The following IDE variants were observed in gnomAD, a reference collection of about 807,000 sequenced individuals.
The protein encoded by IDE is insulin degrading enzyme.
IDE carries 58 observed loss-of-function variants against 133.2 expected under a neutral mutation model. The observed-to-expected ratio is 0.44, with a 90% CI of 0.35 to 0.54. The LOEUF (loss-of-function observed/expected upper bound fraction) is 0.54, where lower values mean the gene tolerates loss of function less well. Among genes scored for constraint, IDE ranks in the 20% least tolerant of loss-of-function variants. The probability of loss-of-function intolerance (pLI) is 0.00; values close to 1 mark genes in which losing one functional copy is unlikely to be tolerated. For missense variants in IDE, 981 were observed against 1,234.0 expected, an observed-to-expected ratio of 0.79 and a Z score of 3.07; for synonymous variants, 396 against 421.3, an observed-to-expected ratio of 0.94 and a Z score of 0.73.
Position 92,549,457 on chromosome 10 carries a change from C to CTCAA in IDE, c.99-11911_99-11908dup, listed in dbSNP as rs371643247. On this transcript the variant is annotated intron_variant, in intron 1 of 24. Coordinates refer to ENST00000265986, the MANE Select transcript of IDE (RefSeq NM_004969.4). ...CTCCCATCTATGTATCTACATATCT[C>CTCAA]TCAATCAATCAATCAATCAATCAAC... Among the ~76,000 whole-genome samples the CTCAA allele has an allele frequency of 2.6e-3, 402 of 152,094 alleles. 1 individual carries two copies. The highest frequency in any genetic ancestry group is 8.7e-3 in the African/African-American group (362 of 41,506).
intron 1 of IDE, among the ~76,000 whole-genome samples, chr10:92,538,148 A>G (rs1310294261): frequency 6.6e-6 from 1 of 152,176 alleles, no homozygotes; most frequent in African/African-American, 2.4e-5. Flanking sequence ...TGCTAGGATT[A>G]CAAGTGTGAG....
At chr10:92,498,793 C>T (rs1056602594) in intron 11 of IDE, among the ~76,000 whole-genome samples, 2 of 151,746 alleles carry the variant, frequency 1.3e-5, no homozygotes, top group Non-Finnish European at 2.9e-5. Flanking sequence ...GGCATGGTGG[C>T]GGGTGCATGT....
At chr10:92,572,935 G>A (rs186067920) in intron 1 of IDE, 1 of 984,830 alleles carries the variant, frequency 1.0e-6, no homozygotes, top group Non-Finnish European at 1.2e-6. Context: ...CTCAATTCCC[G>A]TGGCATCCCA....
intron 1 of IDE, among the ~76,000 whole-genome samples, chr10:92,553,124 T>A (rs923312479): frequency 1.3e-5 from 2 of 151,554 alleles, no homozygotes; most frequent in Non-Finnish European, 2.9e-5. Flanking sequence ...TATAAATAAA[T>A]AAGAAAAAGA....
chr10:92,547,094 T>C (rs947373129), intron 1 of IDE, among the ~76,000 whole-genome samples: 7 of 152,166 alleles, frequency 4.6e-5, no homozygotes, highest in African/African-American at 1.4e-4. Context: ...TCTTCTTCTT[T>C]TTTGTAAGAT....
chr10:92,498,469 A>G (rs918423022), intron 11 of IDE, among the ~76,000 whole-genome samples: 3 of 152,134 alleles, frequency 2.0e-5, no homozygotes, highest in Non-Finnish European at 4.4e-5. Context: ...CTAAAAAAAA[A>G]TACAGGCCGG....
intron 11 of IDE, among the ~76,000 whole-genome samples, chr10:92,496,261 C>T (rs887940253): frequency 6.6e-6 from 1 of 152,128 alleles, no homozygotes; most frequent in Non-Finnish European, 1.5e-5. Flanking sequence ...GAGTTCTTAC[C>T]AGGTCAAATT....
chr10:92,538,959 C>T (rs570145019), intron 1 of IDE, among the ~76,000 whole-genome samples: 23 of 152,186 alleles, frequency 1.5e-4, no homozygotes, highest in African/African-American at 5.5e-4. Context: ...AGACTGACAG[C>T]TAGATTTAAA....
chr10:92,545,779 A>G (rs1364515136), intron 1 of IDE, among the ~76,000 whole-genome samples: 1 of 152,212 alleles, frequency 6.6e-6, no homozygotes, highest in African/African-American at 2.4e-5. Flanking sequence ...CAGAATGGCT[A>G]AAAAGAAAAA....
chr10:92,515,153 TA>T (rs1340400643), intron 4 of IDE, 111 bp from the exon 5 acceptor site: 1 of 806,018 alleles, frequency 1.2e-6, no homozygotes, highest in African/African-American at 1.7e-5. Context: ...AAAGTTCTAA[TA>T]CACAGAATAA....
chr10:92,538,793 A>C (rs76620262), intron 1 of IDE, among the ~76,000 whole-genome samples: 1 of 152,028 alleles, frequency 6.6e-6, no homozygotes, highest in Non-Finnish European at 1.5e-5. Context: ...AAAAAAAAAA[A>C]CTGAAACTGC....
chr10:92,455,585 G>A lies in IDE; in HGVS notation c.2955C>T (p.Ala985=). 3 of 1,583,408 alleles carry A rather than the reference G, an allele frequency of 1.9e-6. No homozygotes were observed. The highest frequency in any genetic ancestry group is 2.6e-6 in the Non-Finnish European group (3 of 1,152,266). Residue 985 remains alanine (A), a synonymous_variant, in exon 24 of 25, where the codon GCC becomes GCT. Transcript: ENST00000265986. ...QNDINLSQAP[A]LPQPEVIQNM... The stretch of plus-strand genomic sequence containing the variant: ...ACGTTATATTTCTTACTTGTGGCAA[G>A]GCTGGTGCTTGTGACAAATTTATGT...
chr10:92,503,740 C>T (rs1353396147), intron 11 of IDE, among the ~76,000 whole-genome samples: 4 of 143,462 alleles, frequency 2.8e-5, no homozygotes, highest in East Asian at 4.0e-4. Flanking sequence ...TTTTTTGAGA[C>T]GGAGTTTCAC....
chr10:92,573,599 G>C (rs1843898817), intron 1 of IDE, among the ~76,000 whole-genome samples: 1 of 152,220 alleles, frequency 6.6e-6, no homozygotes, highest in Non-Finnish European at 1.5e-5. Context: ...GCGGCTCCCA[G>C]GTGCAGGCCG....
intron 3 of IDE, among the ~76,000 whole-genome samples, chr10:92,532,267 CAA>C (rs59732643): frequency 4.3e-4 from 45 of 104,794 alleles, no homozygotes; most frequent in Non-Finnish European, 6.2e-4. Flanking sequence ...GCTAATGCTC[CAA>C]AAAAAAAAAA....
At chr10:92,515,130 G>A in intron 4 of IDE, 88 bp from the exon 5 acceptor site, 1 of 1,042,930 alleles carries the variant, frequency 9.6e-7, no homozygotes, top group Non-Finnish European at 1.4e-6. Flanking sequence ...TGCTTAAGAT[G>A]AACTTTAAAA....
intron 4 of IDE, among the ~76,000 whole-genome samples, chr10:92,526,236 A>G (rs1434525530): frequency 1.3e-5 from 2 of 152,130 alleles, no homozygotes; most frequent in African/African-American, 4.8e-5. Context: ...GGGCATACAC[A>G]AAAAGGAAAG....
intron 22 of IDE, 23 bp from the exon 23 acceptor site, chr10:92,456,454 T>G: frequency 6.4e-7 from 1 of 1,574,748 alleles, no homozygotes; most frequent in Non-Finnish European, 8.7e-7. Context: ...AAGAGCAGGG[T>G]CACCCTTTTG....
chr10:92,533,435 GATA>G (rs547327985), intron 3 of IDE, among the ~76,000 whole-genome samples: 364 of 152,178 alleles, frequency 2.4e-3, no homozygotes, highest in African/African-American at 8.2e-3. Context: ...ACCTTGCCTT[GATA>G]ATGTTTTTTC....
Sources: allele counts gnomAD v4.1 joint callset (sites outside exome capture counted in the v4.1 genomes callset), GRCh38; gene constraint gnomAD v4.1.1; transcripts MANE v1.5; gene names NCBI Gene and HGNC (gene_info 2026-07-23, HGNC 2026-07-21).